The following SMARCB1 variants were observed in gnomAD, a reference collection of about 807,000 sequenced individuals.
SMARCB1 encodes SWI/SNF related BAF chromatin remodeling complex subunit B1, also known as SWI/SNF-related matrix-associated actin-dependent regulator of chromatin subfamily B member 1.
SMARCB1 carries 5 observed loss-of-function variants against 49.0 expected under a neutral mutation model. That is an observed-to-expected ratio of 0.10 (90% CI 0.05 to 0.21). The LOEUF (loss-of-function observed/expected upper bound fraction) is 0.21. Ranked by LOEUF, SMARCB1 falls within the 10% of genes least tolerant of loss-of-function variation. SMARCB1 has a pLI of 1.00. For missense variants in SMARCB1, 226 were observed against 509.2 expected (o/e 0.44, Z 5.35); for synonymous variants, 201 against 200.1 (o/e 1.00, Z -0.04).
Position 23,836,857 on chromosome 22 carries a change from C to T in SMARCB1, c.*2677C>T. Reference sequence around the variant, plus strand: ...CTGCCAGAAGCCTCTTAGGCCTGGCCCTGGGTGGGGGTCACTGCTGCGGGG... The same window carrying T: ...CTGCCAGAAGCCTCTTAGGCCTGGCTCTGGGTGGGGGTCACTGCTGCGGGG... On this transcript the variant is annotated 3_prime_UTR_variant, in exon 9 of 9. Transcript: ENST00000644036. 3 of 1,454,116 alleles carry T rather than the reference C, an allele frequency of 2.1e-6. No individual in the cohort carries two copies. The highest frequency in any genetic ancestry group is 2.9e-5 in the African/African-American group (2 of 69,696). The allele number at this position is 1,454,116 out of a possible 1,614,324, so 90.1% of individuals were successfully genotyped here. A position where few individuals can be genotyped will look rare whatever the true frequency, so the allele number is the denominator to read the frequency against.
Position 23,834,987 on chromosome 22 carries a change from CAGG to C in SMARCB1, c.*811_*813del. Reference sequence around the variant, plus strand: ...TGCTGGGCTGTCGCCAGCCTGGGTGCAGGAGGGCTGTTCTAGCTCCAGTGGCAC... The same window carrying C: ...TGCTGGGCTGTCGCCAGCCTGGGTGCAGGGCTGTTCTAGCTCCAGTGGCAC... On this transcript the variant is annotated 3_prime_UTR_variant, in exon 9 of 9. Coordinates refer to ENST00000644036, the MANE Select transcript of SMARCB1 (RefSeq NM_003073.5). 6.6e-7 allele frequency: 1 copy of C among 1,510,858 alleles called. No homozygotes were observed. The allele number at this position is 1,510,858 out of a possible 1,614,324, so 93.6% of individuals were successfully genotyped here.
At chr22:23,808,698 CTTT>C (rs533109746) in intron 5 of SMARCB1, among the ~76,000 whole-genome samples, 5 of 140,648 alleles carry the variant, frequency 3.6e-5, no homozygotes, top group East Asian at 2.1e-4. Flanking sequence ...ATTGGACATT[CTTT>C]TTTTTTTTTT....
intron 4 of SMARCB1, chr22:23,802,892 T>C (rs1386945263): frequency 5.7e-6 from 2 of 353,142 alleles, no homozygotes; most frequent in African/African-American, 2.1e-5. Flanking sequence ...TGTGGTCTGT[T>C]TGTACGTCCT....
chr22:23,825,759 T>G (rs2030351655), intron 7 of SMARCB1: 1 of 307,120 alleles, frequency 3.3e-6, no homozygotes, highest in Non-Finnish European at 6.1e-6. Context: ...TTGCCCAGAC[T>G]GTTATTTTGG....
rs34761606 is a variant in SMARCB1, at chr22:23,803,436, G to A, written c.628+14G>A. 46 of 1,613,846 alleles carry A rather than the reference G, an allele frequency of 2.9e-5. No individual in the cohort carries two copies. Among genetic ancestry groups the A allele is most frequent in the East Asian group, 2.5e-4 (11 of 44,882 alleles). ...GGAACATGAATGGTACAAGGCAGTC[G>A]GGCTTGGCTGGGCCTGGCCCCAACC... On this transcript the variant is annotated intron_variant, in intron 5 of 8. Transcript: ENST00000644036.
At chr22:23,831,498 C>G (rs1053191930) in intron 7 of SMARCB1, among the ~76,000 whole-genome samples, 4 of 152,166 alleles carry the variant, frequency 2.6e-5, no homozygotes, top group African/African-American at 4.8e-5. Flanking sequence ...CCCAGGGTCC[C>G]CAGCACTCTT....
intron 6 of SMARCB1, 23 bp from the exon 7 acceptor site, chr22:23,825,202 G>T: frequency 6.2e-7 from 1 of 1,611,678 alleles, no homozygotes; most frequent in Non-Finnish European, 8.5e-7. Context: ...GCTCTAACTT[G>T]TGTCCTTTGG....
intron 7 of SMARCB1, among the ~76,000 whole-genome samples, chr22:23,828,313 A>T (rs2030487261): frequency 6.6e-6 from 1 of 151,120 alleles, no homozygotes; most frequent in South Asian, 2.1e-4. Flanking sequence ...GGCCTCCCAA[A>T]GTGCTGGGAT....
chr22:23,800,268 G>A (rs1342206454), intron 3 of SMARCB1, among the ~76,000 whole-genome samples: 1 of 152,244 alleles, frequency 6.6e-6, no homozygotes, highest in East Asian at 1.9e-4. Flanking sequence ...CGCTTCATGG[G>A]ACATGGGTTA....
chr22:23,812,865 ATTTTT>A (rs34368167), intron 5 of SMARCB1, among the ~76,000 whole-genome samples: 11 of 137,796 alleles, frequency 8.0e-5, no homozygotes, highest in Non-Finnish European at 1.5e-4. Context: ...TCCTGTTGCT[ATTTTT>A]TTTTTTTTTT....
chr22:23,822,986 TTTTTTTTTTTTTGA>T (rs2030181657), intron 6 of SMARCB1: 8 of 66,332 alleles, frequency 1.2e-4, no homozygotes, highest in African/African-American at 4.0e-4. Flanking sequence ...TTTTTTTTTT[TTTTTTTTTTTTTGA>T]CACAGAGTCT....
In SMARCB1 at chr22:23,834,321, G is replaced by A; in HGVS notation, c.*141G>A. The A allele has an allele frequency of 4.3e-6, 4 of 920,604 alleles. No homozygotes were observed. The highest frequency in any genetic ancestry group is 2.8e-5 in the South Asian group (2 of 71,906). 57.0% of individuals were successfully genotyped at this position (920,604 alleles called of 1,614,324 possible). On this transcript the variant is annotated 3_prime_UTR_variant, in exon 9 of 9. Coordinates refer to ENST00000644036, the MANE Select transcript of SMARCB1 (RefSeq NM_003073.5). ...GTGGGGGTGGAGTGGGGGCTTCCAG[G>A]TGGCCCTTCCCGGCACACATTCCAT...
chr22:23,831,210 T>C (rs2030639520), intron 7 of SMARCB1, among the ~76,000 whole-genome samples: 1 of 152,198 alleles, frequency 6.6e-6, no homozygotes, highest in South Asian at 2.1e-4. Context: ...ACAGGTCATT[T>C]TCCCTTGAAG....
At position 23,825,439 on chromosome 22, in the gene SMARCB1, C is replaced by T. The variant is rs761102377; in HGVS notation, c.986+24C>T. The stretch of plus-strand genomic sequence containing the variant: ...AGGTAGGATCATGCATGAGTCTCTC[C>T]CTCCCTCATCTCCCTGCAAAACTGT... On this transcript the variant is annotated intron_variant, in intron 7 of 8. Transcript: ENST00000644036. 8.8e-6 allele frequency: 14 copies of T among 1,596,414 alleles called. No homozygotes were observed. In the South Asian group the frequency reaches 1.3e-4, roughly 15 times the overall value.
chr22:23,817,244 C>G, intron 6 of SMARCB1: 1 of 518,992 alleles, frequency 1.9e-6, no homozygotes. Flanking sequence ...GCTGAGTGCT[C>G]CAGGGGGGCC....
intron 7 of SMARCB1, among the ~76,000 whole-genome samples, chr22:23,832,678 A>AG (rs34668569): frequency 0.12 from 18,821 of 152,240 alleles, 1,251 homozygotes; most frequent in South Asian, 0.27. Context: ...GGGTGACGGG[A>AG]CCACTGCATG....
intron 5 of SMARCB1, chr22:23,815,123 G>T (rs1678365296): frequency 6.6e-6 from 1 of 152,160 alleles, no homozygotes; most frequent in Admixed American, 6.6e-5. Flanking sequence ...TTAAAAAGTG[G>T]TGACAGCATC....
chr22:23,811,254 T>C (rs1929854733), intron 5 of SMARCB1, among the ~76,000 whole-genome samples: 2 of 152,282 alleles, frequency 1.3e-5, no homozygotes, highest in East Asian at 3.9e-4. Context: ...CAGTATCAGA[T>C]AGAAATCAGA....
rs2146010289 is a variant in SMARCB1, at chr22:23,816,895, A to G, written c.754A>G (p.Ser252Gly). The stretch of plus-strand genomic sequence containing the variant: ...GCAGATCGAGTCCTACCCCACGGAC[A>G]GCATCCTGGAGGACCAGTCAGACCA... ...RQQIESYPTDSILEDQSDQRV... is the reference protein window; with the variant it reads ...RQQIESYPTDGILEDQSDQRV... Residue 252 changes from serine to glycine, a missense_variant, in exon 6 of 9, where the codon AGC becomes GGC. Coordinates refer to ENST00000644036, the MANE Select transcript of SMARCB1 (RefSeq NM_003073.5). 6.2e-7 allele frequency: 1 copy of G among 1,614,142 alleles called. No individual in the cohort carries two copies.
Sources: allele counts gnomAD v4.1 joint callset (sites outside exome capture counted in the v4.1 genomes callset), GRCh38; gene constraint gnomAD v4.1.1; transcripts MANE v1.5; gene names NCBI Gene and HGNC (gene_info 2026-07-23, HGNC 2026-07-21).